BCKDHB: variants seen among roughly 807,000 people sequenced by gnomAD.
BCKDHB encodes 2-oxoisovalerate dehydrogenase subunit beta, mitochondrial.
In BCKDHB, 41 loss-of-function variants were observed where a neutral mutation model predicts 48.5. That is an observed-to-expected ratio of 0.85 (90% CI 0.66 to 1.10). The LOEUF is 1.10. BCKDHB is among the 50% of genes least tolerant of loss of function. The pLI, the probability that BCKDHB is intolerant of heterozygous loss-of-function variation, is 0.00. For synonymous variants in BCKDHB, 201 were observed against 174.8 expected (o/e 1.15, Z -1.18); for missense variants, 496 against 494.2 (o/e 1.00, Z -0.03).
At chr6:80,169,929 A>G in intron 5 of BCKDHB, 3 of 1,515,682 alleles carry the variant, frequency 2.0e-6, no homozygotes, top group Non-Finnish European at 2.6e-6. Context: ...TGCTTGAGCT[A>G]AACATTAATT....
intron 9 of BCKDHB, among the ~76,000 whole-genome samples, chr6:80,295,821 G>T (rs1257334846): frequency 6.9e-6 from 1 of 145,540 alleles, no homozygotes; most frequent in Non-Finnish European, 1.5e-5. Context: ...ATGGTCCAGG[G>T]AAGACCCACC....
intron 9 of BCKDHB, among the ~76,000 whole-genome samples, chr6:80,320,616 G>C (rs1768672488): frequency 6.6e-6 from 1 of 152,156 alleles, no homozygotes. Flanking sequence ...GCCTGTAGAA[G>C]AATCAGTCCT....
At chr6:80,109,115 A>C (rs1582153971) in intron 1 of BCKDHB, among the ~76,000 whole-genome samples, 1 of 152,136 alleles carries the variant, frequency 6.6e-6, no homozygotes, top group Non-Finnish European at 1.5e-5. Context: ...TAAATTCTTG[A>C]CCCCGGAATC....
the BCKDHB span, among the ~76,000 whole-genome samples, chr6:80,423,558 C>T: frequency 6.6e-6 from 1 of 152,190 alleles, no homozygotes; most frequent in Non-Finnish European, 1.5e-5. Context: ...ATAGTTATCC[C>T]ACTGTATTCT....
the BCKDHB span, among the ~76,000 whole-genome samples, chr6:80,363,087 G>A: frequency 6.6e-6 from 1 of 152,104 alleles, no homozygotes; most frequent in Non-Finnish European, 1.5e-5. Context: ...ACCCACATTT[G>A]TAGGGTGCAA....
chr6:80,143,142 C>T (rs1771305808), intron 3 of BCKDHB, among the ~76,000 whole-genome samples: 1 of 152,092 alleles, frequency 6.6e-6, no homozygotes, highest in Non-Finnish European at 1.5e-5. Context: ...AAACAGATCA[C>T]AAAGTCCGTT....
At chr6:80,279,608 G>A (rs1250456132) in intron 9 of BCKDHB, among the ~76,000 whole-genome samples, 2 of 151,166 alleles carry the variant, frequency 1.3e-5, no homozygotes, top group Admixed American at 6.6e-5. Context: ...CTTTATGTCG[G>A]CATTCAAGAT....
chr6:80,231,210 G>A (rs1184365648), intron 8 of BCKDHB, among the ~76,000 whole-genome samples: 1 of 152,126 alleles, frequency 6.6e-6, no homozygotes, highest in Non-Finnish European at 1.5e-5. Flanking sequence ...CTTAATGTAT[G>A]ATGCTTTAAA....
intron 9 of BCKDHB, among the ~76,000 whole-genome samples, chr6:80,318,046 A>G (rs1281475977): frequency 6.6e-6 from 1 of 152,136 alleles, no homozygotes; most frequent in Non-Finnish European, 1.5e-5. Flanking sequence ...ACTGTACTCT[A>G]TAGAAATGGC....
intron 9 of BCKDHB, among the ~76,000 whole-genome samples, chr6:80,286,399 T>C (rs1766628782): frequency 6.6e-6 from 1 of 152,212 alleles, no homozygotes; most frequent in Admixed American, 6.5e-5. Context: ...ACTTGCCTTG[T>C]TACTCAAAAT....
chr6:80,256,095 A>C (rs1026656274), intron 8 of BCKDHB, among the ~76,000 whole-genome samples: 1 of 152,204 alleles, frequency 6.6e-6, no homozygotes, highest in African/African-American at 2.4e-5. Flanking sequence ...TGCAAATAAT[A>C]AACTTAAGTC....
chr6:80,352,477 C>T, the BCKDHB span, among the ~76,000 whole-genome samples: 1 of 152,150 alleles, frequency 6.6e-6, no homozygotes, highest in Non-Finnish European at 1.5e-5. Flanking sequence ...CTGAAGTGTT[C>T]CATTCTTTCT....
In BCKDHB at chr6:80,343,769, T is replaced by C. The variant is rs727503822; in HGVS notation, c.1144T>C (p.Cys382Arg). 6.2e-7 allele frequency: 1 copy of C among 1,613,792 alleles called. No individual in the cohort carries two copies. Among genetic ancestry groups the C allele is most frequent in the South Asian group, 1.1e-5 (1 of 91,074 alleles). ...ATTCTACATCCCAGACAAATGGAAG[T>C]GTTATGATGCCCTTCGAAAAATGAT... Reference protein sequence around the residue: ...EPFYIPDKWKCYDALRKMINY With the variant: ...EPFYIPDKWKRYDALRKMINY The change falls in exon 10 of 10, where the codon TGT becomes CGT. Residue 382 changes from cysteine to arginine, a missense_variant. Physicochemically the swap from Cys to Arg is radical, Grantham distance 180. Coordinates refer to ENST00000320393, the MANE Select transcript of BCKDHB (RefSeq NM_183050.4).
intron 8 of BCKDHB, among the ~76,000 whole-genome samples, chr6:80,264,737 T>A (rs1777442571): frequency 6.6e-6 from 1 of 152,126 alleles, no homozygotes; most frequent in Non-Finnish European, 1.5e-5. Context: ...GGTAAACAAT[T>A]GAGATTTGAT....
At chr6:80,316,936 A>G (rs554942859) in intron 9 of BCKDHB, among the ~76,000 whole-genome samples, 3 of 132,918 alleles carry the variant, frequency 2.3e-5, no homozygotes, top group African/African-American at 8.3e-5. Flanking sequence ...ACAGAATCTT[A>G]GGGTGGGGTT....
intron 9 of BCKDHB, among the ~76,000 whole-genome samples, chr6:80,316,374 C>CTTT (rs66530321): frequency 1.3e-3 from 192 of 150,962 alleles, no homozygotes; most frequent in South Asian, 2.9e-3. Flanking sequence ...ACTCAAACTG[C>CTTT]TTTTTTTTTA....
chr6:80,197,938 C>G (rs560535931), intron 6 of BCKDHB, among the ~76,000 whole-genome samples: 1 of 66,214 alleles, frequency 1.5e-5, no homozygotes, highest in African/African-American at 3.2e-5. Flanking sequence ...ATCTGTTCAT[C>G]CATCCATCCA....
At position 80,344,960 on chromosome 6, in the gene BCKDHB, A is replaced by G. The variant is rs1770127235; in HGVS notation, c.*1156A>G. The G allele has an allele frequency of 6.6e-6, 1 of 152,184 alleles. No individual in the cohort carries two copies. Among genetic ancestry groups the G allele is most frequent in the African/African-American group, 2.4e-5 (1 of 41,458 alleles). The allele number at this position is 152,184 out of a possible 1,614,324, so 9.4% of individuals were successfully genotyped here. A position where few individuals can be genotyped will look rare whatever the true frequency, so the allele number is the denominator to read the frequency against. On this transcript the variant is annotated 3_prime_UTR_variant, in exon 10 of 10. Transcript: ENST00000320393. ...GATTTCTTGAGCAAAAGATCTGTTT[A>G]TTGTATGTAAGGAAAAATTTTACCT...
chr6:80,442,216 AG>A, the BCKDHB span, among the ~76,000 whole-genome samples: 1 of 152,170 alleles, frequency 6.6e-6, no homozygotes, highest in Non-Finnish European at 1.5e-5. Context: ...AAGAGCCTAC[AG>A]GGTCTTTTAG....
Sources: gnomAD v4.1 joint callset for allele counts (sites outside exome capture counted in the v4.1 genomes callset) on GRCh38, gnomAD v4.1.1 for gene constraint, MANE v1.5 for transcripts, NCBI Gene and HGNC (gene_info 2026-07-23, HGNC 2026-07-21) for gene names.